Variants in LYST observed in about 807,000 individuals in gnomAD.
LYST encodes lysosomal trafficking regulator.
LYST carries 192 observed loss-of-function variants against 413.6 expected under a neutral mutation model. The ratio of observed to expected loss-of-function variants is 0.46; its 90% CI spans 0.41 to 0.52. The LOEUF (loss-of-function observed/expected upper bound fraction) is 0.52. Among genes scored for constraint, LYST ranks in the 20% least tolerant of loss-of-function variants. The pLI is 0.00. For missense variants in LYST, 3,815 were observed against 4,499.9 expected, an observed-to-expected ratio of 0.85 and a Z score of 4.35; for synonymous variants, 1,525 against 1,567.3, an observed-to-expected ratio of 0.97 and a Z score of 0.64.
chr1:235,855,467 A>G (rs1210003221), intron 1 of LYST, among the ~76,000 whole-genome samples: 1 of 152,186 alleles, frequency 6.6e-6, no homozygotes, highest in Non-Finnish European at 1.5e-5. Context: ...TATTAAAACC[A>G]AAAACCTTCA....
At chr1:235,827,406 T>C (rs1675451182) in intron 3 of LYST, 2 of 979,696 alleles carry the variant, frequency 2.0e-6, no homozygotes, top group African/African-American at 1.7e-5. Context: ...GCAAACGGAC[T>C]ACAGTTGGTG....
chr1:235,841,879 T>C lies in LYST; in HGVS notation c.-97-8212A>G, dbSNP rs75468070. On this transcript the variant is annotated intron_variant, in intron 1 of 52. Coordinates refer to ENST00000389793, the MANE Select transcript of LYST (RefSeq NM_000081.4). ...CTGCTTAAAGAAGAGAGTCTAGAGA[T>C]TGGGGGCTAAAGGCTAAGTAATTTA... Among the ~76,000 whole-genome samples, 182 of 152,122 alleles carry C rather than the reference T, an allele frequency of 1.2e-3. 1 individual carries two copies. Among genetic ancestry groups the C allele is most frequent in the Non-Finnish European group, 2.2e-3 (151 of 67,986 alleles).
chr1:235,793,992 C>T (rs2103538159), intron 10 of LYST, among the ~76,000 whole-genome samples: 1 of 152,082 alleles, frequency 6.6e-6, no homozygotes, highest in Non-Finnish European at 1.5e-5. Flanking sequence ...GTCACCATGC[C>T]CAGGTAATTT....
In LYST at chr1:235,787,543, A is replaced by G. The variant is rs558291667; in HGVS notation, c.4689-170T>C. Among the ~76,000 whole-genome samples, 4 of 152,294 alleles carry G rather than the reference A, an allele frequency of 2.6e-5. No homozygotes were observed. In the East Asian group the frequency reaches 7.7e-4, roughly 29 times the overall value. ...CTTCGTTTTATACCATAAGTTACTT[A>G]GTTATTCTATCATTACCTCAATTCA... On this transcript the variant is annotated intron_variant, in intron 13 of 52. Coordinates refer to ENST00000389793, the MANE Select transcript of LYST (RefSeq NM_000081.4).
chr1:235,844,562 T>C (rs1677575256), intron 1 of LYST, among the ~76,000 whole-genome samples: 2 of 152,194 alleles, frequency 1.3e-5, no homozygotes, highest in African/African-American at 4.8e-5. Context: ...TTCTGTCGAT[T>C]AGAAATTAGA....
chr1:235,809,649 AC>A lies in LYST; in HGVS notation c.1168del (p.Val390CysfsTer23). The A allele has an allele frequency of 6.2e-7, 1 of 1,614,132 alleles. No individual in the cohort carries two copies. The highest frequency in any genetic ancestry group is 8.5e-7 in the Non-Finnish European group (1 of 1,179,998). On this transcript the variant is annotated frameshift_variant, in exon 5 of 53. Transcript: ENST00000389793. LOFTEE classifies it high-confidence loss of function. This position sits in a 1 kb window ranked among gnomAD's most constrained non-coding sequence, Gnocchi z 4.0. ...KTLQEVQEDF[V>X]FSKYRHRALL... ...GGCTCTATGACGATACTTTGAAAAC[AC>A]AAAATCTTCCTGAACCTCCTGCAGT...
chr1:235,674,018 A>G lies in LYST; in HGVS notation c.11038+3073T>C, dbSNP rs1376585297. 2.6e-5 allele frequency among the ~76,000 whole-genome samples: 4 copies of G among 152,156 alleles called. No individual in the cohort carries two copies. The highest frequency in any genetic ancestry group is 5.9e-5 in the Non-Finnish European group (4 of 68,036). ...ACCCACAGAATATGAACTGCATAGC[A>G]GCTCTCTTCCAAGACCCCACAGCCC... is the stretch of plus-strand genomic sequence containing the variant. On this transcript the variant is annotated intron_variant, in intron 50 of 52. Transcript: ENST00000389793. The surrounding 1 kb of genome is among the most constrained non-coding windows in gnomAD (Gnocchi z 4.1).
chr1:235,662,991 G>C lies in LYST; in HGVS notation c.11355C>G (p.Arg3785=), dbSNP rs150849914. ...VIAWCRKDQQ[R]LKQPMFYSFL... Reference sequence around the variant, plus strand: ...AGGAATAGAACATTGGCTGTTTCAAGCGCTGCTGGTCCTTCCGACACCAGG... The same window carrying C: ...AGGAATAGAACATTGGCTGTTTCAACCGCTGCTGGTCCTTCCGACACCAGG... The change falls in exon 53 of 53, where the codon CGC becomes CGG. Residue 3785 remains arginine, a synonymous_variant. Transcript: ENST00000389793. The C allele has an allele frequency of 4.8e-5, 78 of 1,613,678 alleles. No homozygotes were observed. The highest frequency in any genetic ancestry group is 5.3e-5 in the Non-Finnish European group (63 of 1,179,738).
At chr1:235,683,141 A>G (rs1051371691) in intron 48 of LYST, among the ~76,000 whole-genome samples, 3 of 152,254 alleles carry the variant, frequency 2.0e-5, no homozygotes, top group African/African-American at 7.2e-5. Context: ...AGTATTTGAT[A>G]ATTTTTTAAT....
chr1:235,768,669 AT>A (rs1668366681), intron 20 of LYST, among the ~76,000 whole-genome samples: 1 of 152,138 alleles, frequency 6.6e-6, no homozygotes, highest in Non-Finnish European at 1.5e-5. Flanking sequence ...GTGAAAAAAT[AT>A]ATGGAAATCT....
In LYST at chr1:235,806,662, A is replaced by G. The variant is rs751294097; in HGVS notation, c.2474T>C (p.Ile825Thr). Residue 825 changes from isoleucine (I) to threonine (T), a missense_variant, in exon 6 of 53, where the codon ATC becomes ACC. Ile to Thr is a moderately conservative substitution (Grantham distance 89, BLOSUM62 -1). Around this residue, in one of 4 missense-constraint regions of LYST, gnomAD observed 1,648 missense variants for 1,810.3 expected, o/e 0.91. Transcript: ENST00000389793. ...ATCTTTCTGTTGCTCCCCTAGGCTG[A>G]TTATCAGAGTTTCAAATGCTTTTAG... ...HSLKAFETLI[I>T]SLGEQQKDAS... 1.2e-6 allele frequency: 2 copies of G among 1,613,900 alleles called. No individual in the cohort carries two copies. The highest frequency in any genetic ancestry group is 4.5e-5 in the East Asian group (2 of 44,872).
At chr1:235,721,006 A>G (rs1277230131) in intron 39 of LYST, 101 bp from the exon 40 acceptor site, 2 of 1,199,266 alleles carry the variant, frequency 1.7e-6, no homozygotes, top group East Asian at 4.7e-5. Flanking sequence ...TACAAATCTC[A>G]TGTCCTCCAA....
rs1206454517 is a variant in LYST at position 235,741,481 on chromosome 1, T to C, written c.8299A>G (p.Ile2767Val). 1.9e-6 allele frequency: 3 copies of C among 1,614,054 alleles called. No individual in the cohort carries two copies. Among genetic ancestry groups the C allele is most frequent in the East Asian group, 2.2e-5 (1 of 44,892 alleles). ...TCCTGATGATTTGGTTCATGAACTA[T>C]TTCAAAAATTTGCTTTCTCTCTTGT... ...AAQERKQIFE[I>V]VHEPNHQEIL... The change falls in exon 31 of 53, where the codon ATA becomes GTA. Residue 2767 changes from isoleucine (I) to valine (V), a missense_variant. Ile to Val is a conservative substitution (Grantham distance 29). Coordinates refer to ENST00000389793, the MANE Select transcript of LYST (RefSeq NM_000081.4).
At position 235,774,928 on chromosome 1, in the gene LYST, C is replaced by A. The variant is rs765757966; in HGVS notation, c.5619G>T (p.Gly1873=). Residue 1873 remains glycine (G), a synonymous_variant, in exon 18 of 53, where the codon GGG becomes GGT. Transcript: ENST00000389793. ...QVLIKQKCIV[G]FYILKTLLEG... is the part of the protein sequence containing the mutation. ...GAAGACATACCTTCAAAATGTAAAA[C>A]CCAACAATGCATTTTTGTTTGATCA... 2 of 1,608,508 alleles carry A rather than the reference C, an allele frequency of 1.2e-6. No homozygotes were observed. Among genetic ancestry groups the A allele is most frequent in the South Asian group, 2.2e-5 (2 of 90,874 alleles).
Position 235,810,046 on chromosome 1 carries a change from A to G in LYST, c.772T>C (p.Cys258Arg), listed in dbSNP as rs797044534. The change falls in exon 5 of 53, where the codon TGT (cysteine) becomes CGT (arginine). Residue 258 changes from cysteine to arginine, a missense_variant. Transcript: ENST00000389793. The stretch of plus-strand genomic sequence containing the variant: ...TCTAATAAAGATAACAAAACATGAC[A>G]TAAGTCAAATGGAGAATTGTTCATG... ...SNMNNSPFDL[C>R]HVLLSLLEKV... 1 of 1,613,970 alleles carries G rather than the reference A, an allele frequency of 6.2e-7. No homozygotes were observed. The highest frequency in any genetic ancestry group is 1.3e-5 in the African/African-American group (1 of 74,946).
chr1:235,676,287 T>C (rs1255188950), intron 50 of LYST, among the ~76,000 whole-genome samples: 1 of 152,210 alleles, frequency 6.6e-6, no homozygotes, highest in African/African-American at 2.4e-5. Context: ...GTCAGGAGTG[T>C]TAAATAAAAT....
rs1289210142 is a variant in LYST at position 235,774,049 on chromosome 1, A to G, written c.5635-58T>C. On this transcript the variant is annotated intron_variant, in intron 18 of 52. Coordinates refer to ENST00000389793, the MANE Select transcript of LYST (RefSeq NM_000081.4). ...TAGTAATTGGTTAATCAGGAAGTTCAACAGAAACATTAAGCTTTCAATTTT... is the reference window on the plus strand; with the variant it reads ...TAGTAATTGGTTAATCAGGAAGTTCGACAGAAACATTAAGCTTTCAATTTT... 1.0e-5 allele frequency: 12 copies of G among 1,153,314 alleles called. No homozygotes were observed. In the Admixed American group the frequency reaches 2.1e-4, roughly 20 times the overall value. 71.4% of individuals were successfully genotyped at this position (1,153,314 alleles called of 1,614,324 possible).
At chr1:235,802,193 CAAAAAAAAAAAAAAAAA>C (rs35511208) in intron 8 of LYST, among the ~76,000 whole-genome samples, 1 of 45,074 alleles carries the variant, frequency 2.2e-5, no homozygotes, top group Admixed American at 2.7e-4. Flanking sequence ...GACTCCATTT[CAAAAAAAAAAAAAAAAA>C]AAAAAAAAAA....
At chr1:235,808,413 T>C in intron 5 of LYST, 42 bp downstream of exon 5, 1 of 1,594,648 alleles carries the variant, frequency 6.3e-7, no homozygotes, top group Non-Finnish European at 8.6e-7. Context: ...CTAGACATGC[T>C]CAACAACCCC....
Sources: allele counts gnomAD v4.1 joint callset (sites outside exome capture counted in the v4.1 genomes callset), GRCh38; gene constraint gnomAD v4.1.1; regional missense constraint gnomAD v4.1.1; non-coding constraint Gnocchi (gnomAD v3.1); transcripts MANE v1.5; gene names NCBI Gene and HGNC (gene_info 2026-07-23, HGNC 2026-07-21).